The following CNOT4 variants were observed in gnomAD, a reference collection of about 807,000 sequenced individuals.
CNOT4 encodes CCR4-associated factor 4.
In CNOT4, 8 loss-of-function variants were observed where a neutral mutation model predicts 73.8. That is an observed-to-expected ratio of 0.11 (90% CI 0.06 to 0.20). CNOT4 has a LOEUF of 0.20. CNOT4 is among the 10% of genes least tolerant of loss of function. The pLI, the probability that CNOT4 is intolerant of heterozygous loss-of-function variation, is 1.00. For synonymous variants in CNOT4, 293 were observed against 321.1 expected, an observed-to-expected ratio of 0.91 and a Z score of 0.94; for missense variants, 564 against 883.4, an observed-to-expected ratio of 0.64 and a Z score of 4.58.
intron 2 of CNOT4, among the ~76,000 whole-genome samples, chr7:135,424,220 C>T (rs924411962): frequency 5.3e-5 from 8 of 152,160 alleles, no homozygotes; most frequent in African/African-American, 1.4e-4. Context: ...TTTCTTAATG[C>T]CTTCCTCTCA....
chr7:135,412,640 G>A (rs1317501012), intron 6 of CNOT4, among the ~76,000 whole-genome samples: 1 of 151,824 alleles, frequency 6.6e-6, no homozygotes, highest in East Asian at 1.9e-4. Flanking sequence ...AGTCAAAAAA[G>A]GTAATACTCC....
chr7:135,462,060 C>T (rs1281818303), intron 1 of CNOT4, among the ~76,000 whole-genome samples: 1 of 150,634 alleles, frequency 6.6e-6, no homozygotes, highest in African/African-American at 2.4e-5. Context: ...TTCCTATTCC[C>T]TTATAAAAAA....
intron 2 of CNOT4, among the ~76,000 whole-genome samples, chr7:135,433,492 G>A (rs1255042103): frequency 6.6e-6 from 1 of 151,136 alleles, no homozygotes. Flanking sequence ...GAGTAGCTGG[G>A]ACTACAAGCA....
chr7:135,387,051 C>T (rs1015896799), intron 10 of CNOT4: 10 of 982,672 alleles, frequency 1.0e-5, no homozygotes, highest in Non-Finnish European at 1.2e-6. Context: ...GGCCCAGGAG[C>T]CTCAGCTCCA....
At chr7:135,416,648 G>A (rs560184224) in intron 3 of CNOT4, among the ~76,000 whole-genome samples, 24 of 152,264 alleles carry the variant, frequency 1.6e-4, no homozygotes, top group Middle Eastern at 3.4e-3. Context: ...AGCAACCAGC[G>A]TCATAGCTAA....
At position 135,446,274 on chromosome 7, in the gene CNOT4, G is replaced by A. The variant is rs572468267; in HGVS notation, c.-92-7851C>T. Among the ~76,000 whole-genome samples the A allele has an allele frequency of 1.8e-4, 28 of 152,232 alleles. No individual in the cohort carries two copies. In the South Asian group the frequency reaches 5.6e-3, roughly 30 times the overall value. On this transcript the variant is annotated intron_variant, in intron 1 of 11. Coordinates refer to ENST00000541284, the MANE Select transcript of CNOT4 (RefSeq NM_001190850.2). ...TAGGGGGCTGGGGGAGAAGAATGGG[G>A]AGTTATTACTTAATTTAACAGAGTT...
intron 10 of CNOT4, chr7:135,386,613 G>A (rs1796135602): frequency 6.6e-6 from 1 of 152,128 alleles, no homozygotes. Context: ...TATTAGGTAA[G>A]CAAAAGGTGA....
chr7:135,441,941 A>C (rs961424286), intron 1 of CNOT4, among the ~76,000 whole-genome samples: 25 of 152,216 alleles, frequency 1.6e-4, no homozygotes, highest in African/African-American at 5.5e-4. Context: ...CATGGAGAGA[A>C]GCCACAGAAG....
intron 2 of CNOT4, among the ~76,000 whole-genome samples, chr7:135,426,571 C>T (rs2129484738): frequency 6.8e-6 from 1 of 148,058 alleles, no homozygotes; most frequent in South Asian, 2.1e-4. Flanking sequence ...CCACTGCACT[C>T]CAGCCTGGGT....
chr7:135,419,743 G>A (rs1213369478), intron 3 of CNOT4, among the ~76,000 whole-genome samples: 1 of 151,956 alleles, frequency 6.6e-6, no homozygotes, highest in Non-Finnish European at 1.5e-5. Flanking sequence ...ACGGAAATAA[G>A]AAATCTCTGT....
chr7:135,433,401 G>C (rs973160646), intron 2 of CNOT4, among the ~76,000 whole-genome samples: 20 of 139,830 alleles, frequency 1.4e-4, no homozygotes, highest in Non-Finnish European at 2.9e-4. Context: ...CTATCACCCA[G>C]GCTGGAGTGC....
At chr7:135,372,713 C>G (rs1441958468) in intron 10 of CNOT4, among the ~76,000 whole-genome samples, 1 of 152,138 alleles carries the variant, frequency 6.6e-6, no homozygotes, top group Non-Finnish European at 1.5e-5. Context: ...CACACCATCA[C>G]ACCCGGCTAA....
chr7:135,461,792 A>G (rs1164768525), intron 1 of CNOT4, among the ~76,000 whole-genome samples: 2 of 152,170 alleles, frequency 1.3e-5, no homozygotes, highest in African/African-American at 2.4e-5. Flanking sequence ...AGATCGCACC[A>G]CTACACCCCA....
At chr7:135,374,600 T>C (rs1009148269) in intron 10 of CNOT4, among the ~76,000 whole-genome samples, 1 of 151,380 alleles carries the variant, frequency 6.6e-6, no homozygotes, top group East Asian at 2.0e-4. Context: ...ATTCTACAGA[T>C]GACAGAATAG....
intron 10 of CNOT4, among the ~76,000 whole-genome samples, chr7:135,380,879 C>T (rs1167313099): frequency 6.6e-6 from 1 of 152,144 alleles, no homozygotes; most frequent in East Asian, 1.9e-4. Context: ...TTATTCATAG[C>T]TCTGAAGTGT....
intron 1 of CNOT4, among the ~76,000 whole-genome samples, chr7:135,488,018 G>A (rs867808332): frequency 3.6e-4 from 54 of 151,732 alleles, no homozygotes; most frequent in African/African-American, 1.2e-3. Flanking sequence ...CTGAGATAGC[G>A]CCACTGCACT....
chr7:135,418,842 T>C (rs1798016291), intron 3 of CNOT4, among the ~76,000 whole-genome samples: 1 of 152,072 alleles, frequency 6.6e-6, no homozygotes, highest in African/African-American at 2.4e-5. Flanking sequence ...ATCTCCACAC[T>C]AGCTAAGTGT....
chr7:135,507,352 C>T (rs1041572467), intron 1 of CNOT4, among the ~76,000 whole-genome samples: 2 of 152,066 alleles, frequency 1.3e-5, no homozygotes, highest in Non-Finnish European at 2.9e-5. Context: ...CAAAAGAAAC[C>T]ATGAAAATAT....
intron 1 of CNOT4, among the ~76,000 whole-genome samples, chr7:135,460,872 T>A (rs935485434): frequency 6.6e-6 from 1 of 152,246 alleles, no homozygotes; most frequent in Non-Finnish European, 1.5e-5. Flanking sequence ...TGTGACCATG[T>A]AGAGCTTTCT....
Sources: gnomAD v4.1 joint callset for allele counts (sites outside exome capture counted in the v4.1 genomes callset) on GRCh38, gnomAD v4.1.1 for gene constraint, MANE v1.5 for transcripts, NCBI Gene and HGNC (gene_info 2026-07-23, HGNC 2026-07-21) for gene names.